Variants in THADA observed in about 807,000 individuals in gnomAD.
THADA encodes the protein THADA armadillo repeat containing, also known as tRNA (32-2'-O)-methyltransferase regulator THADA.
In THADA, 213 loss-of-function variants were observed where a neutral mutation model predicts 219.8. The ratio of observed to expected loss-of-function variants is 0.97; its 90% CI spans 0.87 to 1.09. The LOEUF (loss-of-function observed/expected upper bound fraction) is 1.09. Among genes scored for constraint, THADA ranks in the 50% least tolerant of loss-of-function variants. The pLI, the probability that THADA is intolerant of heterozygous loss-of-function variation, is 0.00. For missense variants in THADA, 2,956 were observed against 2,311.3 expected (o/e 1.28, Z -5.72); for synonymous variants, 1,018 against 828.9 (o/e 1.23, Z -3.92).
At chr2:43,530,579 G>T (rs1215716988) in intron 21 of THADA, among the ~76,000 whole-genome samples, 1 of 152,202 alleles carries the variant, frequency 6.6e-6, no homozygotes, top group Non-Finnish European at 1.5e-5. Context: ...GAAAGTCAAT[G>T]AGATGAGGTT....
At chr2:43,395,132 A>G (rs1673870139) in intron 29 of THADA, among the ~76,000 whole-genome samples, 1 of 152,228 alleles carries the variant, frequency 6.6e-6, no homozygotes, top group Non-Finnish European at 1.5e-5. Flanking sequence ...CTGGTGAGAG[A>G]GCCCAAGAAG....
intron 30 of THADA, among the ~76,000 whole-genome samples, chr2:43,324,395 A>G (rs1207408742): frequency 6.6e-6 from 1 of 152,296 alleles, no homozygotes; most frequent in Admixed American, 6.5e-5. Flanking sequence ...CAACAAGATC[A>G]TGGGAGGCTC....
chr2:43,541,436 G>C, intron 20 of THADA, 120 bp from the exon 21 acceptor site: 2 of 1,113,672 alleles, frequency 1.8e-6, no homozygotes, highest in Non-Finnish European at 2.6e-6. Flanking sequence ...GATTTGTCAT[G>C]TTATATTTAC....
chr2:43,594,374 G>A (rs536156037), intron 1 of THADA, among the ~76,000 whole-genome samples: 2 of 152,224 alleles, frequency 1.3e-5, no homozygotes, highest in South Asian at 4.1e-4. Context: ...GAAGTCAGGA[G>A]TTCAAGACCA....
intron 22 of THADA, among the ~76,000 whole-genome samples, chr2:43,520,604 TG>T (rs1168138796): frequency 1.3e-5 from 2 of 151,960 alleles, no homozygotes; most frequent in African/African-American, 4.8e-5. Flanking sequence ...GTGAGAGGAC[TG>T]CTTGAGCCCA....
chr2:43,261,083 C>A (rs534925644), intron 36 of THADA, among the ~76,000 whole-genome samples: 11 of 151,974 alleles, frequency 7.2e-5, no homozygotes, highest in Non-Finnish European at 1.5e-4. Flanking sequence ...TTGTGGATAA[C>A]TTTTATCATT....
At position 43,543,213 on chromosome 2, in the gene THADA, T is replaced by G. The variant is rs1474738132; in HGVS notation, c.3107-1897A>C. ...TACAAAGGACATGAACTCATCATTT[T>G]TTATGGCTGCATAGTATTCCATGGT... On this transcript the variant is annotated intron_variant, in intron 20 of 37. Transcript: ENST00000405975. 4.1e-3 allele frequency among the ~76,000 whole-genome samples: 582 copies of G among 142,996 alleles called. 6 individuals carry two copies. Among genetic ancestry groups the G allele is most frequent in the African/African-American group, 0.014 (538 of 37,448 alleles). The allele number at this position is 142,996 out of a possible 152,430, so 93.8% of individuals were successfully genotyped here.
chr2:43,318,633 A>C (rs1678346549), intron 31 of THADA, among the ~76,000 whole-genome samples: 2 of 152,224 alleles, frequency 1.3e-5, no homozygotes, highest in Admixed American at 6.5e-5. Context: ...TATGGTTGTC[A>C]TACTAGAATA....
At chr2:43,472,576 G>A (rs1037040381) in intron 26 of THADA, among the ~76,000 whole-genome samples, 4 of 152,148 alleles carry the variant, frequency 2.6e-5, no homozygotes, top group East Asian at 1.9e-4. Context: ...GGGGAAAACC[G>A]GGCACTTGTC....
intron 29 of THADA, among the ~76,000 whole-genome samples, chr2:43,393,687 A>G (rs7566967): frequency 0.39 from 58,544 of 150,414 alleles, 12,522 homozygotes; most frequent in African/African-American, 0.54. Context: ...CAGCCTAGGC[A>G]ACAGAGCGAG....
chr2:43,552,755 CA>C (rs1696892420), intron 17 of THADA, among the ~76,000 whole-genome samples: 1 of 151,802 alleles, frequency 6.6e-6, no homozygotes, highest in African/African-American at 2.4e-5. Context: ...CACATATGTA[CA>C]ACCATCACCA....
intron 29 of THADA, among the ~76,000 whole-genome samples, chr2:43,378,912 A>G (rs1671689842): frequency 2.0e-5 from 3 of 152,108 alleles, no homozygotes; most frequent in Admixed American, 2.0e-4. Context: ...GCCTAATAAT[A>G]TCTTCAAAGT....
chr2:43,459,790 T>C (rs1413656908), intron 26 of THADA, among the ~76,000 whole-genome samples: 1 of 152,218 alleles, frequency 6.6e-6, no homozygotes, highest in Non-Finnish European at 1.5e-5. Flanking sequence ...AAGCATGCTG[T>C]GTCAGTTAGG....
At chr2:43,505,389 C>A (rs1689534105) in intron 24 of THADA, among the ~76,000 whole-genome samples, 1 of 151,830 alleles carries the variant, frequency 6.6e-6, no homozygotes, top group Non-Finnish European at 1.5e-5. Flanking sequence ...TTCAAGAGTT[C>A]TTTATCTCCA....
At chr2:43,457,697 T>C (rs1285730490) in intron 26 of THADA, among the ~76,000 whole-genome samples, 1 of 152,198 alleles carries the variant, frequency 6.6e-6, no homozygotes, top group South Asian at 2.1e-4. Flanking sequence ...AAAATTCAGT[T>C]ATAGGGAACC....
intron 25 of THADA, among the ~76,000 whole-genome samples, chr2:43,487,472 T>C (rs752401061): frequency 1.2e-4 from 19 of 152,176 alleles, no homozygotes; most frequent in Non-Finnish European, 1.8e-4. Context: ...CAAAACTCCT[T>C]TGATTCAATA....
chr2:43,422,943 C>T (rs1421951211), intron 28 of THADA, among the ~76,000 whole-genome samples: 3 of 152,112 alleles, frequency 2.0e-5, no homozygotes, highest in African/African-American at 7.2e-5. Context: ...CTGGTCCAGG[C>T]TATTTCGAAT....
chr2:43,410,679 T>C lies in THADA; in HGVS notation c.4059-12540A>G, dbSNP rs115370257. On this transcript the variant is annotated intron_variant, in intron 28 of 37. Transcript: ENST00000405975. ...TCCGTTTACTTAAAATTCTAGGAAA[T>C]GCAAATTAATCTGTATTGACAGAAC... 6.7e-4 allele frequency among the ~76,000 whole-genome samples: 101 copies of C among 150,448 alleles called. 1 individual carries two copies. The highest frequency in any genetic ancestry group is 2.2e-3 in the African/African-American group (90 of 40,768).
chr2:43,430,078 T>A (rs531952094), intron 27 of THADA, 135 bp downstream of exon 27: 1 of 480,590 alleles, frequency 2.1e-6, no homozygotes, highest in Admixed American at 4.2e-5. Context: ...AAAGACCCTG[T>A]CTCAAGGAAA....
Sources: allele counts gnomAD v4.1 joint callset (sites outside exome capture counted in the v4.1 genomes callset), GRCh38; gene constraint gnomAD v4.1.1; transcripts MANE v1.5; gene names NCBI Gene and HGNC (gene_info 2026-07-23, HGNC 2026-07-21).